The following MSRB3 variants were observed in gnomAD, a reference collection of about 807,000 sequenced individuals.
The protein encoded by MSRB3 is methionine sulfoxide reductase B3, also known as methionine-R-sulfoxide reductase B3.
MSRB3 carries 13 observed loss-of-function variants against 21.0 expected under a neutral mutation model. The observed-to-expected ratio is 0.62, with a 90% confidence interval of 0.40 to 0.98. The LOEUF is 0.98. MSRB3 is among the 50% of genes least tolerant of loss of function. The pLI is 0.00. For synonymous variants in MSRB3, 87 were observed against 88.6 expected (o/e 0.98, Z 0.10); for missense variants, 199 against 230.3 (o/e 0.86, Z 0.88).
chr12:65,439,657 A>G (rs971385612), intron 5 of MSRB3, among the ~76,000 whole-genome samples: 1 of 151,614 alleles, frequency 6.6e-6, no homozygotes, highest in African/African-American at 2.4e-5. Flanking sequence ...CTTAAAGGAA[A>G]TGTTGTAATC....
intron 5 of MSRB3, among the ~76,000 whole-genome samples, chr12:65,436,328 A>G (rs1179075223): frequency 1.3e-5 from 2 of 151,938 alleles, no homozygotes; most frequent in South Asian, 2.1e-4. Flanking sequence ...CTACTTCCAA[A>G]TTATGATAAT....
chr12:65,319,459 A>G (rs1430349773), intron 2 of MSRB3, among the ~76,000 whole-genome samples: 2 of 152,152 alleles, frequency 1.3e-5, no homozygotes, highest in Non-Finnish European at 2.9e-5. Flanking sequence ...AGCAGATATG[A>G]TTAAATCTAG....
At chr12:65,333,699 G>T (rs529705256) in intron 4 of MSRB3, among the ~76,000 whole-genome samples, 1 of 152,180 alleles carries the variant, frequency 6.6e-6, no homozygotes, top group Non-Finnish European at 1.5e-5. Context: ...GTGTGAACGT[G>T]AATGTCCCTC....
chr12:65,377,253 A>G (rs900137092), intron 5 of MSRB3, among the ~76,000 whole-genome samples: 1 of 152,122 alleles, frequency 6.6e-6, no homozygotes, highest in African/African-American at 2.4e-5. Flanking sequence ...GGCAAGAACC[A>G]TGTCTCATTT....
intron 1 of MSRB3, among the ~76,000 whole-genome samples, chr12:65,295,560 T>C (rs770295090): frequency 1.3e-5 from 2 of 152,146 alleles, no homozygotes; most frequent in Non-Finnish European, 2.9e-5. Context: ...TCTCCCTTTT[T>C]TTTTTGGTAG....
rs1315679999 is a variant in MSRB3, at chr12:65,466,320, T to C, written c.*2998T>C. 1.3e-5 allele frequency: 2 copies of C among 152,192 alleles called. No individual in the cohort carries two copies. The highest frequency in any genetic ancestry group is 2.9e-5 in the Non-Finnish European group (2 of 68,032). The allele number at this position is 152,192 out of a possible 1,614,324, so 9.4% of individuals were successfully genotyped here. A position where few individuals can be genotyped will look rare whatever the true frequency, so the allele number is the denominator to read the frequency against. ...ATTTCTGTCTTATGTGAAAGAAATA[T>C]ATTACTAAAACGTCAGTGAGCAATA... is the stretch of plus-strand genomic sequence containing the variant. On this transcript the variant is annotated 3_prime_UTR_variant, in exon 7 of 7. Transcript: ENST00000308259.
At chr12:65,285,548 T>C (rs1449570038) in intron 1 of MSRB3, 1 of 152,230 alleles carries the variant, frequency 6.6e-6, no homozygotes, top group Non-Finnish European at 1.5e-5. Flanking sequence ...ATAGGAGGTG[T>C]TTTCGGCTGG....
chr12:65,395,821 C>T (rs1218950016), intron 5 of MSRB3, among the ~76,000 whole-genome samples: 2 of 152,020 alleles, frequency 1.3e-5, no homozygotes, highest in African/African-American at 4.8e-5. Flanking sequence ...TTCTCTTATC[C>T]TGTTAATGTC....
intron 5 of MSRB3, among the ~76,000 whole-genome samples, chr12:65,398,176 A>G (rs977139010): frequency 3.3e-5 from 5 of 152,166 alleles, no homozygotes; most frequent in Non-Finnish European, 7.4e-5. Context: ...TCCTTGAGGA[A>G]TTGCCACACT....
chr12:65,309,882 A>AGAGGT lies in MSRB3; in HGVS notation c.76+1228_76+1232dup, dbSNP rs367770910. On this transcript the variant is annotated intron_variant, in intron 2 of 6. Transcript: ENST00000308259. Reference sequence around the variant, plus strand: ...GTTTGGATGTGCAAGGGCAAATAGAAGAGGTAAGGAAGGAAAGGTAGCCAA... The same window carrying AGAGGT: ...GTTTGGATGTGCAAGGGCAAATAGAAGAGGTGAGGTAAGGAAGGAAAGGTAGCCAA... Among the ~76,000 whole-genome samples the AGAGGT allele has an allele frequency of 3.6e-3, 546 of 152,276 alleles. 5 individuals are homozygous for AGAGGT. Among genetic ancestry groups the AGAGGT allele is most frequent in the African/African-American group, 0.012 (514 of 41,554 alleles).
At chr12:65,438,778 G>A (rs1218113454) in intron 5 of MSRB3, among the ~76,000 whole-genome samples, 3 of 151,668 alleles carry the variant, frequency 2.0e-5, no homozygotes, top group African/African-American at 7.3e-5. Flanking sequence ...GGAGGAAATG[G>A]TATCTGATTT....
chr12:65,462,797 G>A lies in MSRB3; in HGVS notation c.391-358G>A, dbSNP rs576956829. Among the ~76,000 whole-genome samples the A allele has an allele frequency of 4.6e-5, 7 of 152,276 alleles. No homozygotes were observed. In the East Asian group the frequency reaches 1.4e-3, roughly 29 times the overall value. ...CCACCCATCCAAAGCCAAAAGTAAT[G>A]CCGGGGGAAAGATTTTATGCTGCCA... On this transcript the variant is annotated intron_variant, in intron 6 of 6. Coordinates refer to ENST00000308259, the MANE Select transcript of MSRB3 (RefSeq NM_001031679.3).
intron 5 of MSRB3, chr12:65,419,777 C>A (rs1270193688): frequency 1.7e-5 from 18 of 1,067,440 alleles, no homozygotes; most frequent in Non-Finnish European, 2.4e-5. Context: ...GCATGGTCTC[C>A]TTCTCATTCT....
chr12:65,361,860 A>C (rs1029280369), intron 4 of MSRB3, among the ~76,000 whole-genome samples: 9 of 152,158 alleles, frequency 5.9e-5, no homozygotes, highest in Non-Finnish European at 1.3e-4. Context: ...TCTTTTGCTC[A>C]TGATTATCCT....
chr12:65,355,052 A>G (rs1469347136), intron 4 of MSRB3, among the ~76,000 whole-genome samples: 3 of 151,848 alleles, frequency 2.0e-5, no homozygotes, highest in Non-Finnish European at 4.4e-5. Flanking sequence ...AGAGATGCAT[A>G]TAAGGTGCTA....
chr12:65,313,453 G>A (rs1874104451), intron 2 of MSRB3, among the ~76,000 whole-genome samples: 1 of 152,026 alleles, frequency 6.6e-6, no homozygotes, highest in African/African-American at 2.4e-5. Context: ...AACCTACATA[G>A]TGCTTTGATA....
chr12:65,399,735 GGTTT>G (rs1880016414), intron 5 of MSRB3, among the ~76,000 whole-genome samples: 2 of 152,196 alleles, frequency 1.3e-5, no homozygotes, highest in South Asian at 4.2e-4. Context: ...ATTGACTGTG[GGTTT>G]GTCATAAATA....
intron 1 of MSRB3, chr12:65,281,867 C>G (rs1431239769): frequency 1.3e-5 from 2 of 152,204 alleles, no homozygotes; most frequent in Non-Finnish European, 2.9e-5. Context: ...ATCTACCTAT[C>G]TGATTTAGCA....
intron 5 of MSRB3, among the ~76,000 whole-genome samples, chr12:65,421,944 TA>T (rs1881318549): frequency 6.6e-6 from 1 of 152,074 alleles, no homozygotes; most frequent in South Asian, 2.1e-4. Flanking sequence ...GCAAGCTGGA[TA>T]AAGAAACAAG....
Sources: gnomAD v4.1 joint callset for allele counts (sites outside exome capture counted in the v4.1 genomes callset) on GRCh38, gnomAD v4.1.1 for gene constraint, MANE v1.5 for transcripts, NCBI Gene and HGNC (gene_info 2026-07-23, HGNC 2026-07-21) for gene names.